The following ANK3 variants were observed in gnomAD, a reference collection of about 807,000 sequenced individuals.
ANK3 encodes the protein ankyrin-3.
In ANK3, 57 loss-of-function variants were observed where a neutral mutation model predicts 370.9. That is an observed-to-expected ratio of 0.15 (90% CI 0.12 to 0.19). The LOEUF (loss-of-function observed/expected upper bound fraction) is 0.19. Among genes scored for constraint, ANK3 ranks in the 10% least tolerant of loss-of-function variants. ANK3 has a pLI of 1.00. For synonymous variants in ANK3, 1,929 were observed against 1,946.3 expected, an observed-to-expected ratio of 0.99 and a Z score of 0.23; for missense variants, 4,439 against 5,302.1, an observed-to-expected ratio of 0.84 and a Z score of 5.06.
intron 1 of ANK3, among the ~76,000 whole-genome samples, chr10:60,312,883 T>C (rs1472153831): frequency 6.6e-6 from 1 of 152,206 alleles, no homozygotes; most frequent in African/African-American, 2.4e-5. Flanking sequence ...GCATTTTCTC[T>C]GCAGTTTGCT....
chr10:60,561,948 A>G (rs1241808986), intron 2 of ANK3, among the ~76,000 whole-genome samples: 2 of 152,250 alleles, frequency 1.3e-5, no homozygotes, highest in Non-Finnish European at 2.9e-5. Flanking sequence ...AGTGATAGTT[A>G]GCATTAGTTA....
chr10:60,527,813 G>C (rs1240557550), intron 2 of ANK3, among the ~76,000 whole-genome samples: 2 of 152,002 alleles, frequency 1.3e-5, no homozygotes, highest in Non-Finnish European at 2.9e-5. Context: ...AGCATTTCAG[G>C]GAAAAGCTGA....
Position 60,029,715 on chromosome 10 carries a change from T to C in ANK3, c.*131A>G, listed in dbSNP as rs2072833800. The C allele has an allele frequency of 6.6e-6, 1 of 152,252 alleles. No homozygotes were observed. Among genetic ancestry groups the C allele is most frequent in the South Asian group, 2.1e-4 (1 of 4,788 alleles). The allele number at this position is 152,252 out of a possible 1,614,324, so 9.4% of individuals were successfully genotyped here. On this transcript the variant is annotated 3_prime_UTR_variant, in exon 44 of 44. Transcript: ENST00000280772. ...TTTTCTTTTTGCATAAAAAAAATCA[T>C]GCCATTAATGTGTGGAAGCAGCGAA...
chr10:60,228,265 A>G (rs993683888), intron 8 of ANK3, among the ~76,000 whole-genome samples: 9 of 152,262 alleles, frequency 5.9e-5, no homozygotes, highest in Admixed American at 4.6e-4. Flanking sequence ...GGCCAGGTGC[A>G]GTGGCTCATG....
Position 60,208,017 on chromosome 10 carries a change from C to G in ANK3, c.1194+19G>C, listed in dbSNP as rs576246889. 1 of 1,609,838 alleles carries G rather than the reference C, an allele frequency of 6.2e-7. No homozygotes were observed. ...TGAGCAAGACAACTGAGGCTGGACT[C>G]GCTGGTTGAGCCACTCACCAGGGCT... On this transcript the variant is annotated intron_variant, in intron 10 of 43. Coordinates refer to ENST00000280772, the MANE Select transcript of ANK3 (RefSeq NM_020987.5).
intron 2 of ANK3, among the ~76,000 whole-genome samples, chr10:60,504,353 T>C (rs576236004): frequency 4.6e-5 from 7 of 152,316 alleles, no homozygotes; most frequent in African/African-American, 1.7e-4. Flanking sequence ...GCTTTCTTTA[T>C]GCATAGCCAA....
intron 23 of ANK3, among the ~76,000 whole-genome samples, chr10:60,150,779 C>T (rs1475923011): frequency 1.3e-5 from 2 of 152,034 alleles, no homozygotes. Context: ...TGAGGCCTCA[C>T]CAGAAGCCAA....
chr10:60,059,191 G>T, intron 41 of ANK3, 149 bp downstream of exon 41: 1 of 628,532 alleles, frequency 1.6e-6, no homozygotes, highest in Non-Finnish European at 2.8e-6. Context: ...TTCCTTTCCA[G>T]ATTAGCATAA....
At chr10:60,541,750 T>A (rs1240102863) in intron 2 of ANK3, among the ~76,000 whole-genome samples, 1 of 151,876 alleles carries the variant, frequency 6.6e-6, no homozygotes, top group Admixed American at 6.6e-5. Flanking sequence ...GGGAGTTCCT[T>A]TGGGGAAGGA....
chr10:60,339,784 G>C (rs2053830999), intron 1 of ANK3, among the ~76,000 whole-genome samples: 1 of 152,160 alleles, frequency 6.6e-6, no homozygotes, highest in Non-Finnish European at 1.5e-5. Context: ...AAAATACTAG[G>C]AATTACTGGA....
intron 2 of ANK3, among the ~76,000 whole-genome samples, chr10:60,446,641 C>A (rs1337502708): frequency 6.6e-6 from 1 of 152,190 alleles, no homozygotes; most frequent in Non-Finnish European, 1.5e-5. Context: ...GGGCAGATAA[C>A]ATGTACAGGC....
intron 1 of ANK3, among the ~76,000 whole-genome samples, chr10:60,627,441 A>T (rs1180996665): frequency 6.6e-6 from 1 of 152,010 alleles, no homozygotes; most frequent in African/African-American, 2.4e-5. Flanking sequence ...AGGCATCTGT[A>T]TTCTGCTGCC....
At chr10:60,597,565 G>A (rs985120685) in intron 2 of ANK3, among the ~76,000 whole-genome samples, 3 of 152,004 alleles carry the variant, frequency 2.0e-5, no homozygotes, top group African/African-American at 2.4e-5. Flanking sequence ...GTCATTTCCC[G>A]CCTCCTTCAC....
At chr10:60,316,932 G>C (rs2047570465) in intron 1 of ANK3, among the ~76,000 whole-genome samples, 1 of 152,054 alleles carries the variant, frequency 6.6e-6, no homozygotes, top group Admixed American at 6.6e-5. Flanking sequence ...ATTTTTAGTA[G>C]AGATGGGGTT....
intron 26 of ANK3, among the ~76,000 whole-genome samples, chr10:60,111,471 ATT>A (rs1590154335): frequency 6.6e-6 from 1 of 152,228 alleles, no homozygotes; most frequent in East Asian, 1.9e-4. Context: ...TGTCTTACAT[ATT>A]GTGTGAAAAA....
In ANK3 at chr10:60,066,547, G is replaced by GCA. The variant is rs2081666534; in HGVS notation, c.12319+1387_12319+1388insTG. 4.0e-5 allele frequency among the ~76,000 whole-genome samples: 6 copies of GCA among 150,942 alleles called. 1 individual carries two copies. Among genetic ancestry groups the GCA allele is most frequent in the Admixed American group, 1.3e-4 (2 of 15,166 alleles). ...TCCCAACCATTAGCAGTATACCTGA[G>GCA]AGCAGAGACTAGGTTGATGAAGAGA... On this transcript the variant is annotated intron_variant, in intron 38 of 43. Transcript: ENST00000280772.
At chr10:60,470,184 A>T (rs2065182114) in intron 2 of ANK3, among the ~76,000 whole-genome samples, 2 of 152,150 alleles carry the variant, frequency 1.3e-5, no homozygotes, top group African/African-American at 2.4e-5. Flanking sequence ...GCATTTGAGC[A>T]TTGAAGAACT....
intron 2 of ANK3, among the ~76,000 whole-genome samples, chr10:60,579,788 C>T (rs943042827): frequency 6.6e-6 from 1 of 152,160 alleles, no homozygotes; most frequent in African/African-American, 2.4e-5. Flanking sequence ...TGCAGGACGT[C>T]AATCCTTTTA....
chr10:60,532,858 G>T (rs941494552), intron 2 of ANK3, among the ~76,000 whole-genome samples: 1 of 152,098 alleles, frequency 6.6e-6, no homozygotes, highest in Admixed American at 6.5e-5. Context: ...AGCAAGTTCT[G>T]CTGGGAAATG....
Sources: gnomAD v4.1 joint callset for allele counts (sites outside exome capture counted in the v4.1 genomes callset) on GRCh38, gnomAD v4.1.1 for gene constraint, MANE v1.5 for transcripts, NCBI Gene and HGNC (gene_info 2026-07-23, HGNC 2026-07-21) for gene names.